PAPPA: variants seen among roughly 807,000 people sequenced by gnomAD.
PAPPA encodes the protein pappalysin 1.
In PAPPA, 60 loss-of-function variants were observed where a neutral mutation model predicts 164.0. The observed-to-expected ratio is 0.37, with a 90% CI of 0.30 to 0.45. The LOEUF is 0.45. Among genes scored for constraint, PAPPA ranks in the 20% least tolerant of loss-of-function variants. PAPPA has a pLI of 1.00. For synonymous variants in PAPPA, 875 were observed against 814.1 expected (o/e 1.07, Z -1.27); for missense variants, 1,782 against 2,087.3 (o/e 0.85, Z 2.85).
chr9:116,314,373 C>G (rs907990055), intron 10 of PAPPA, among the ~76,000 whole-genome samples: 4 of 151,952 alleles, frequency 2.6e-5, no homozygotes, highest in Non-Finnish European at 5.9e-5. Context: ...CCGGTCTCTC[C>G]AGAGATTTTT....
rs556027419 is a variant in PAPPA at position 116,260,670 on chromosome 9, C to T, written c.2733-5187C>T. On this transcript the variant is annotated intron_variant, in intron 7 of 21. Transcript: ENST00000328252. ...CTCAAGACATAAGGATACAACACAA[C>T]ACTCCTCCTTAAATTAGACCCATGG... Among the ~76,000 whole-genome samples the T allele has an allele frequency of 4.6e-5, 7 of 152,230 alleles. No homozygotes were observed. In the East Asian group the frequency reaches 1.2e-3, roughly 25 times the overall value.
At chr9:116,214,981 A>G (rs1039832380) in intron 4 of PAPPA, among the ~76,000 whole-genome samples, 1 of 152,238 alleles carries the variant, frequency 6.6e-6, no homozygotes, top group African/African-American at 2.4e-5. Context: ...TTAGGCATTC[A>G]CTATATGCCA....
chr9:116,176,809 G>A (rs1469967385), intron 1 of PAPPA, among the ~76,000 whole-genome samples: 1 of 152,082 alleles, frequency 6.6e-6, no homozygotes, highest in Admixed American at 6.5e-5. Context: ...CACAAGCAAA[G>A]TTACACAGAG....
intron 5 of PAPPA, among the ~76,000 whole-genome samples, chr9:116,226,334 C>G (rs1047747130): frequency 6.6e-6 from 1 of 152,160 alleles, no homozygotes; most frequent in African/African-American, 2.4e-5. Flanking sequence ...CTCTGATGCT[C>G]ACAAGCACAC....
chr9:116,295,462 G>A (rs148004436), intron 9 of PAPPA, among the ~76,000 whole-genome samples: 3,339 of 149,682 alleles, frequency 0.022, 53 homozygotes, highest in Non-Finnish European at 0.033. Flanking sequence ...GCTGAGGCAG[G>A]AGAATTGCTA....
rs3838260 is a variant in PAPPA at position 116,168,293 on chromosome 9, TA to T, written c.415+13707del. Among the ~76,000 whole-genome samples, 206 of 152,328 alleles carry T rather than the reference TA, an allele frequency of 1.4e-3. 4 individuals are homozygous for T. The East Asian group carries it at 0.032, about 24-fold the overall frequency. ...TCATATGTAGTTATTCAGCAATTTT[TA>T]TATATTATACATTGAGTTAGGAGAT... On this transcript the variant is annotated intron_variant, in intron 1 of 21. Coordinates refer to ENST00000328252, the MANE Select transcript of PAPPA (RefSeq NM_002581.5).
intron 21 of PAPPA, among the ~76,000 whole-genome samples, chr9:116,394,010 G>A (rs1414467154): frequency 2.0e-5 from 3 of 152,190 alleles, no homozygotes; most frequent in Non-Finnish European, 4.4e-5. Context: ...AAAGCAGACA[G>A]ACATGAAACC....
At chr9:116,334,834 C>T (rs760793697) in intron 12 of PAPPA, 27 bp from the exon 13 acceptor site, 35 of 1,577,682 alleles carry the variant, frequency 2.2e-5, no homozygotes, top group Admixed American at 5.0e-5. Context: ...GAGCCTGGCC[C>T]CTCGGCCCCT....
chr9:116,245,314 A>G (rs1844784573), intron 7 of PAPPA, among the ~76,000 whole-genome samples: 1 of 152,212 alleles, frequency 6.6e-6, no homozygotes, highest in Non-Finnish European at 1.5e-5. Flanking sequence ...TACAAATAAA[A>G]AAAGAAGGGG....
At chr9:116,225,895 C>A (rs1844501462) in intron 5 of PAPPA, among the ~76,000 whole-genome samples, 2 of 151,992 alleles carry the variant, frequency 1.3e-5, no homozygotes, top group Non-Finnish European at 2.9e-5. Flanking sequence ...TTATACTGAC[C>A]AACATTATAA....
chr9:116,242,530 C>G (rs1844748423), intron 7 of PAPPA, among the ~76,000 whole-genome samples: 2 of 152,132 alleles, frequency 1.3e-5, no homozygotes, highest in Non-Finnish European at 2.9e-5. Flanking sequence ...GTACAGTATC[C>G]CACAGTATGA....
At chr9:116,360,883 T>C (rs1229000337) in intron 17 of PAPPA, among the ~76,000 whole-genome samples, 1 of 152,030 alleles carries the variant, frequency 6.6e-6, no homozygotes, top group African/African-American at 2.4e-5. Flanking sequence ...GATAAACAAA[T>C]AGGTAATGTC....
chr9:116,354,933 C>T (rs1463960438), intron 17 of PAPPA, among the ~76,000 whole-genome samples: 2 of 151,890 alleles, frequency 1.3e-5, no homozygotes, highest in African/African-American at 4.8e-5. Flanking sequence ...ATTTTCCCCC[C>T]ACACCTCTGC....
intron 1 of PAPPA, among the ~76,000 whole-genome samples, chr9:116,167,158 C>G: frequency 6.6e-6 from 1 of 152,130 alleles, no homozygotes; most frequent in East Asian, 1.9e-4. Flanking sequence ...ACAGTTGTCC[C>G]TCAGTGTCCA....
chr9:116,255,813 A>G (rs186056203), intron 7 of PAPPA, among the ~76,000 whole-genome samples: 60 of 152,114 alleles, frequency 3.9e-4, no homozygotes, highest in African/African-American at 1.1e-3. Context: ...TAGGGAAAAA[A>G]TATGTATATG....
chr9:116,399,373 G>C lies in PAPPA; in HGVS notation c.*2757G>C, dbSNP rs535789163. 2.2e-4 allele frequency: 33 copies of C among 152,712 alleles called. No homozygotes were observed. The highest frequency in any genetic ancestry group is 7.0e-4 in the African/African-American group (29 of 41,562). The allele number at this position is 152,712 out of a possible 1,614,324, so 9.5% of individuals were successfully genotyped here. A position where few individuals can be genotyped will look rare whatever the true frequency, so the allele number is the denominator to read the frequency against. On this transcript the variant is annotated 3_prime_UTR_variant, in exon 22 of 22. Transcript: ENST00000328252. ...CCCACATGGAAGGTATCTTTAATAG[G>C]GTCTTTTCAAACCTTAGTGGAGGAG...
chr9:116,325,624 T>C (rs1397006060), intron 10 of PAPPA, among the ~76,000 whole-genome samples: 3 of 152,076 alleles, frequency 2.0e-5, no homozygotes, highest in Non-Finnish European at 4.4e-5. Flanking sequence ...TTCCTCCAGG[T>C]GCTAGGATGA....
chr9:116,166,798 C>T (rs1843724256), intron 1 of PAPPA, among the ~76,000 whole-genome samples: 1 of 152,168 alleles, frequency 6.6e-6, no homozygotes, highest in African/African-American at 2.4e-5. Flanking sequence ...TTAATTTTAT[C>T]TCTCTTCATC....
At chr9:116,330,259 C>T (rs563848437) in intron 10 of PAPPA, among the ~76,000 whole-genome samples, 2 of 152,200 alleles carry the variant, frequency 1.3e-5, no homozygotes, top group East Asian at 1.9e-4. Flanking sequence ...AAGACCTCAC[C>T]GATTTCAAGG....
Sources: allele counts gnomAD v4.1 joint callset (sites outside exome capture counted in the v4.1 genomes callset), GRCh38; gene constraint gnomAD v4.1.1; transcripts MANE v1.5; gene names NCBI Gene and HGNC (gene_info 2026-07-23, HGNC 2026-07-21).